TENM2: variants seen among roughly 807,000 people sequenced by gnomAD.
TENM2 encodes the protein teneurin transmembrane protein 2.
A neutral mutation model predicts 245.2 loss-of-function variants in TENM2; 52 were observed. That is an observed-to-expected ratio of 0.21 (90% CI 0.17 to 0.27). The LOEUF is 0.27. TENM2 is among the 10% of genes least tolerant of loss of function. The pLI, the probability that TENM2 is intolerant of heterozygous loss-of-function variation, is 1.00. For missense variants in TENM2, 3,046 were observed against 3,666.8 expected (o/e 0.83, Z 4.37); for synonymous variants, 1,363 against 1,438.9 (o/e 0.95, Z 1.19).
the TENM2 span, among the ~76,000 whole-genome samples, chr5:167,201,758 T>G: frequency 6.6e-6 from 1 of 152,166 alleles, no homozygotes; most frequent in African/African-American, 2.4e-5. Context: ...TAGTCTCCAT[T>G]TTCTTTTTTG....
At position 167,881,950 on chromosome 5, in the gene TENM2, A is replaced by G. The variant is rs76363366; in HGVS notation, c.712+5755A>G. ...GCCACCTCCCAATGCATGAAGGATT[A>G]TCATCATACCCATTTTCTAGATGAC... On this transcript the variant is annotated intron_variant, in intron 3 of 28. Coordinates refer to ENST00000518659, the Ensembl canonical transcript of TENM2. 4.5e-4 allele frequency among the ~76,000 whole-genome samples: 68 copies of G among 152,320 alleles called. 1 individual carries two copies. The East Asian group carries it at 0.012, about 28-fold the overall frequency.
At chr5:167,775,935 ATAT>A (rs1763733948) in intron 2 of TENM2, among the ~76,000 whole-genome samples, 2 of 152,184 alleles carry the variant, frequency 1.3e-5, no homozygotes, top group Admixed American at 1.3e-4. Flanking sequence ...GAGTAAATAA[ATAT>A]TATTTTGAAC....
intron 5 of TENM2, among the ~76,000 whole-genome samples, chr5:168,001,637 G>C (rs1051601042): frequency 5.3e-5 from 8 of 152,178 alleles, no homozygotes; most frequent in Admixed American, 5.2e-4. Context: ...CTAACCCAAA[G>C]CAAACTTCTA....
At chr5:167,448,470 G>A (rs571983411) in intron 2 of TENM2, among the ~76,000 whole-genome samples, 3 of 150,290 alleles carry the variant, frequency 2.0e-5, no homozygotes, top group Admixed American at 1.3e-4. Flanking sequence ...CATAACGGAT[G>A]CATTTTAAGA....
rs996048402 is a variant in TENM2, at chr5:167,731,537, G to A, written c.503-144449G>A. ...CTTCAGGAAGAAAGTCATCCTGTTG[G>A]TAGTTTAGTTTTCTTTGTAACAAAA... is the stretch of plus-strand genomic sequence containing the variant. On this transcript the variant is annotated intron_variant, in intron 2 of 28. Transcript: ENST00000518659. Among the ~76,000 whole-genome samples the A allele has an allele frequency of 6.6e-5, 10 of 151,786 alleles. No homozygotes were observed. The South Asian group carries it at 8.3e-4, about 13-fold the overall frequency.
chr5:167,227,448 T>G, the TENM2 span, among the ~76,000 whole-genome samples: 1 of 152,302 alleles, frequency 6.6e-6, no homozygotes, highest in African/African-American at 2.4e-5. Context: ...AGGGCCAGTC[T>G]AATGGAAATG....
At chr5:167,314,667 G>A (rs969900612) in intron 1 of TENM2, among the ~76,000 whole-genome samples, 2 of 151,966 alleles carry the variant, frequency 1.3e-5, no homozygotes, top group African/African-American at 2.4e-5. Context: ...ATTTCACAGA[G>A]TTGATGAACA....
chr5:168,070,793 A>AGAGAG (rs1790925088), intron 7 of TENM2, among the ~76,000 whole-genome samples: 2 of 89,354 alleles, frequency 2.2e-5, no homozygotes, highest in African/African-American at 8.5e-5. Flanking sequence ...GAAAGAAAGA[A>AGAGAG]AGAGAGAGAG....
chr5:167,965,867 A>G (rs1561990812), intron 4 of TENM2, among the ~76,000 whole-genome samples: 2 of 152,188 alleles, frequency 1.3e-5, no homozygotes, highest in Non-Finnish European at 1.5e-5. Flanking sequence ...TTTAAATCCC[A>G]TATTCTTAAT....
intron 3 of TENM2, among the ~76,000 whole-genome samples, chr5:167,901,853 C>T (rs949923516): frequency 3.9e-5 from 6 of 152,062 alleles, no homozygotes; most frequent in Non-Finnish European, 8.8e-5. Context: ...AATTTATTTG[C>T]ATATCTATAC....
At chr5:167,861,148 T>C (rs1249271184) in intron 2 of TENM2, among the ~76,000 whole-genome samples, 1 of 152,174 alleles carries the variant, frequency 6.6e-6, no homozygotes, top group African/African-American at 2.4e-5. Flanking sequence ...TCAGGGTGTC[T>C]GCCCACATCT....
intron 10 of TENM2, 41 bp from the exon 13 acceptor site, chr5:168,124,809 T>G (rs1362756169): frequency 2.6e-6 from 4 of 1,549,696 alleles, no homozygotes; most frequent in Non-Finnish European, 2.6e-6. Context: ...CATGGGTGAT[T>G]AATACTTTTA....
chr5:168,032,610 C>T (rs1787241920), intron 5 of TENM2, among the ~76,000 whole-genome samples: 1 of 152,168 alleles, frequency 6.6e-6, no homozygotes, highest in African/African-American at 2.4e-5. Flanking sequence ...AGTTTTTGTC[C>T]TCTGGCTTCT....
chr5:166,993,825 A>G, the TENM2 span, among the ~76,000 whole-genome samples: 1 of 152,178 alleles, frequency 6.6e-6, no homozygotes, highest in Admixed American at 6.5e-5. Context: ...GGGAAATAGT[A>G]ATGTAGGAAT....
chr5:167,536,065 A>G (rs182038981), intron 2 of TENM2, among the ~76,000 whole-genome samples: 108 of 152,302 alleles, frequency 7.1e-4, no homozygotes, highest in African/African-American at 2.5e-3. Context: ...TGGTGGGATT[A>G]CACCATGCAG....
chr5:167,086,073 C>G, the TENM2 span, among the ~76,000 whole-genome samples: 1 of 152,212 alleles, frequency 6.6e-6, no homozygotes, highest in Non-Finnish European at 1.5e-5. Flanking sequence ...GAAGGGCCTT[C>G]TCATAAACTG....
At chr5:167,506,733 C>T (rs926352799) in intron 2 of TENM2, among the ~76,000 whole-genome samples, 2 of 152,128 alleles carry the variant, frequency 1.3e-5, no homozygotes, top group Non-Finnish European at 2.9e-5. Context: ...TTAACAGTTT[C>T]ACTTCATTGA....
chr5:168,090,881 A>G, intron 8 of TENM2, 112 bp downstream of exon 10: 2 of 923,046 alleles, frequency 2.2e-6, no homozygotes, highest in Non-Finnish European at 3.3e-6. Flanking sequence ...ATGACAACCA[A>G]CCAGGATCCT....
At chr5:167,620,878 C>T (rs1222523672) in intron 2 of TENM2, among the ~76,000 whole-genome samples, 1 of 152,048 alleles carries the variant, frequency 6.6e-6, no homozygotes, top group Non-Finnish European at 1.5e-5. Context: ...GGTTTCTCTC[C>T]TTTAAAAAGA....
Sources: allele counts gnomAD v4.1 joint callset (sites outside exome capture counted in the v4.1 genomes callset), GRCh38; gene constraint gnomAD v4.1.1; transcripts MANE v1.5; gene names NCBI Gene and HGNC (gene_info 2026-07-23, HGNC 2026-07-21).